ZNF207: variants seen among roughly 807,000 people sequenced by gnomAD.
The protein encoded by ZNF207 is zinc finger protein 207.
ZNF207 carries 24 observed loss-of-function variants against 60.2 expected under a neutral mutation model. That is an observed-to-expected ratio of 0.40 (90% confidence interval 0.29 to 0.56). The LOEUF is 0.56. ZNF207 is among the 20% of genes least tolerant of loss of function. ZNF207 has a pLI of 0.49. For synonymous variants in ZNF207, 236 were observed against 194.7 expected (o/e 1.21, Z -1.77); for missense variants, 452 against 636.6 (o/e 0.71, Z 3.12).
In ZNF207 at chr17:32,372,998, T is replaced by C. The variant is rs1421751861; in HGVS notation, c.*3239T>C. On this transcript the variant is annotated 3_prime_UTR_variant, in exon 12 of 12. Transcript: ENST00000394670. ...AAACATTTTGTCTGGCACTAGTTTC[T>C]GTTGTATAAGTTTTCATACTGTTTA... 1 of 155,822 alleles carries C rather than the reference T, an allele frequency of 6.4e-6. No individual in the cohort carries two copies. The highest frequency in any genetic ancestry group is 2.4e-5 in the African/African-American group (1 of 41,636). 9.7% of individuals were successfully genotyped at this position (155,822 alleles called of 1,614,324 possible).
intron 1 of ZNF207, chr17:32,351,099 T>C (rs1008128874): frequency 3.1e-5 from 5 of 159,844 alleles, no homozygotes; most frequent in African/African-American, 1.2e-4. Context: ...GTTACAGTAC[T>C]GCGTTTATGT....
At chr17:32,369,563 A>G (rs2150804215) in intron 11 of ZNF207, 36 bp from the exon 12 acceptor site, 1 of 1,569,128 alleles carries the variant, frequency 6.4e-7, no homozygotes, top group Non-Finnish European at 8.7e-7. Flanking sequence ...ATGCGTTAAC[A>G]ATCTATTTTT....
intron 1 of ZNF207, 138 bp downstream of exon 1, chr17:32,350,464 T>G (rs2041480444): frequency 8.7e-7 from 1 of 1,154,920 alleles, no homozygotes; most frequent in Non-Finnish European, 1.3e-6. Flanking sequence ...TGGCTGGGAT[T>G]GGACTTGGGA....
chr17:32,360,461 A>T (rs1336324044), intron 3 of ZNF207, 137 bp from the exon 4 acceptor site: 13 of 750,470 alleles, frequency 1.7e-5, no homozygotes, highest in Non-Finnish European at 2.5e-5. Context: ...AAGAACATAG[A>T]GCAGTATTAA....
rs890458957 is a variant in ZNF207, at chr17:32,371,383, C to G, written c.*1624C>G. On this transcript the variant is annotated 3_prime_UTR_variant, in exon 12 of 12. Transcript: ENST00000394670. Reference sequence around the variant, plus strand: ...GTGATTTAGCCATCACAAAAGAGTTCGTATTTATGTGACAGATGAAAGTCA... The same window carrying G: ...GTGATTTAGCCATCACAAAAGAGTTGGTATTTATGTGACAGATGAAAGTCA... The G allele has an allele frequency of 1.3e-5, 2 of 152,028 alleles. No homozygotes were observed. The highest frequency in any genetic ancestry group is 2.4e-5 in the African/African-American group (1 of 41,374). The allele number at this position is 152,028 out of a possible 1,614,324, so 9.4% of individuals were successfully genotyped here.
At chr17:32,362,712 A>G in intron 6 of ZNF207, 1 of 428,498 alleles carries the variant, frequency 2.3e-6, no homozygotes, top group Non-Finnish European at 4.1e-6. Flanking sequence ...TGGTAAACCA[A>G]AGAGTTTGCT....
At chr17:32,367,257 A>ATATATATATG (rs1555608351) in intron 9 of ZNF207, among the ~76,000 whole-genome samples, 2 of 95,864 alleles carry the variant, frequency 2.1e-5, no homozygotes, top group Non-Finnish European at 2.2e-5. Context: ...ATATATATAT[A>ATATATATATG]TATATATATA....
At chr17:32,367,685 G>A (rs993930539) in intron 9 of ZNF207, 87 bp from the exon 10 acceptor site, 1 of 1,522,010 alleles carries the variant, frequency 6.6e-7, no homozygotes. Flanking sequence ...TTTATTTAAT[G>A]TTGATGCCTT....
At chr17:32,364,278 A>G (rs1263159117) in intron 7 of ZNF207, among the ~76,000 whole-genome samples, 1 of 152,098 alleles carries the variant, frequency 6.6e-6, no homozygotes, top group Non-Finnish European at 1.5e-5. Flanking sequence ...AATTTGGCCT[A>G]TAAAGCAGGA....
At chr17:32,363,014 GATGTACAGGCTTT>G (rs1201732100) in intron 7 of ZNF207, 30 bp downstream of exon 7, 1 of 1,591,702 alleles carries the variant, frequency 6.3e-7, no homozygotes, top group South Asian at 1.1e-5. Flanking sequence ...ATTTTAATAT[GATGTACAGGCTTT>G]ATTTCTAAGT....
At position 32,350,216 on chromosome 17, in the gene ZNF207, T is replaced by C. The variant is rs769471067; in HGVS notation, c.-70T>C. 6.2e-7 allele frequency: 1 copy of C among 1,607,890 alleles called. No homozygotes were observed. Among genetic ancestry groups the C allele is most frequent in the East Asian group, 2.2e-5 (1 of 44,798 alleles). On this transcript the variant is annotated 5_prime_UTR_variant, in exon 1 of 12. Coordinates refer to ENST00000394670, the MANE Select transcript of ZNF207 (RefSeq NM_001098507.2). ...GGTGGTAGCCGTTGGGTTGGGAAAG[T>C]GAGGGATTTTTGGCCTCGTTTCTCC...
intron 2 of ZNF207, among the ~76,000 whole-genome samples, chr17:32,353,646 G>A (rs1457317023): frequency 1.4e-5 from 2 of 139,602 alleles, no homozygotes; most frequent in Non-Finnish European, 1.6e-5. Context: ...TGGGCATGGT[G>A]GCAGGCACAT....
At chr17:32,353,087 T>A (rs2150786771) in intron 2 of ZNF207, among the ~76,000 whole-genome samples, 1 of 152,272 alleles carries the variant, frequency 6.6e-6, no homozygotes, top group African/African-American at 2.4e-5. Flanking sequence ...GGCAAGAGAA[T>A]CATTTGAACC....
intron 2 of ZNF207, among the ~76,000 whole-genome samples, chr17:32,357,345 ATTATTATT>A (rs1306345917): frequency 0.016 from 1,052 of 64,838 alleles, 7 homozygotes; most frequent in Admixed American, 0.022. Flanking sequence ...TATTATTATT[ATTATTATT>A]TTTTTTTTTT....
chr17:32,381,778 C>T lies in ZNF207; in HGVS notation c.*12019C>T, dbSNP rs1905897275. ...AAAAGTGGAAAGATTTTTGCTTCTGCGTTATTAAGAGCCTCTTTGTTTGGA... is the reference window on the plus strand; with the variant it reads ...AAAAGTGGAAAGATTTTTGCTTCTGTGTTATTAAGAGCCTCTTTGTTTGGA... On this transcript the variant is annotated 3_prime_UTR_variant, in exon 12 of 12. Transcript: ENST00000394670. 6.6e-6 allele frequency: 1 copy of T among 152,100 alleles called. No homozygotes were observed. The highest frequency in any genetic ancestry group is 2.1e-4 in the South Asian group (1 of 4,820). The allele number at this position is 152,100 out of a possible 1,614,324, so 9.4% of individuals were successfully genotyped here.
rs1567819431 is a variant in ZNF207 at position 32,361,454 on chromosome 17, A to G, written c.552-14A>G. The G allele has an allele frequency of 1.2e-6, 2 of 1,605,700 alleles. No individual in the cohort carries two copies. Among genetic ancestry groups the G allele is most frequent in the Non-Finnish European group, 1.7e-6 (2 of 1,175,278 alleles). On this transcript the variant is annotated splice_polypyrimidine_tract_variant and intron_variant, in intron 5 of 11. Transcript: ENST00000394670. ...ATCACAGTTAGATTTTGATTTTGTC[A>G]TACATTTTCACAGATTGCATCATCA...
chr17:32,365,857 C>A (rs1034161735), intron 8 of ZNF207, among the ~76,000 whole-genome samples: 10 of 151,350 alleles, frequency 6.6e-5, no homozygotes, highest in Admixed American at 4.6e-4. Context: ...ATTCTTAAGA[C>A]GGTAGCAAAT....
chr17:32,369,970 T>C lies in ZNF207; in HGVS notation c.*211T>C, dbSNP rs757109094. ...CTTTTCCTGAAGTTGCAATTTATAC[T>C]GTATGGCTTCTTTTTCATGTTTCAT... On this transcript the variant is annotated 3_prime_UTR_variant, in exon 12 of 12. Coordinates refer to ENST00000394670, the MANE Select transcript of ZNF207 (RefSeq NM_001098507.2). The C allele has an allele frequency of 1.6e-4, 72 of 452,104 alleles. No individual in the cohort carries two copies. Among genetic ancestry groups the C allele is most frequent in the Non-Finnish European group, 2.3e-4 (65 of 281,382 alleles). The allele number at this position is 452,104 out of a possible 1,614,324, so 28.0% of individuals were successfully genotyped here.
rs1435934335 is a variant in ZNF207 at position 32,377,607 on chromosome 17, G to A, written c.*7848G>A. Reference sequence around the variant, plus strand: ...TCTTTGGGGGTATGTCTACATATTCGTTTAAATTTAGAAATTCCCACATGT... The same window carrying A: ...TCTTTGGGGGTATGTCTACATATTCATTTAAATTTAGAAATTCCCACATGT... On this transcript the variant is annotated 3_prime_UTR_variant, in exon 12 of 12. Coordinates refer to ENST00000394670, the MANE Select transcript of ZNF207 (RefSeq NM_001098507.2). 6.6e-6 allele frequency: 1 copy of A among 151,774 alleles called. No homozygotes were observed. The highest frequency in any genetic ancestry group is 6.6e-5 in the Admixed American group (1 of 15,238). The allele number at this position is 151,774 out of a possible 1,614,324, so 9.4% of individuals were successfully genotyped here. A position where few individuals can be genotyped will look rare whatever the true frequency, so the allele number is the denominator to read the frequency against.
Sources: allele counts gnomAD v4.1 joint callset (sites outside exome capture counted in the v4.1 genomes callset), GRCh38; gene constraint gnomAD v4.1.1; transcripts MANE v1.5; gene names NCBI Gene and HGNC (gene_info 2026-07-23, HGNC 2026-07-21).